Variants in COL21A1 observed in about 807,000 individuals in gnomAD.
COL21A1 encodes the protein collagen alpha-1(XXI) chain.
Under a neutral mutation model 137.9 loss-of-function variants are expected in COL21A1, and 149 were observed. That is an observed-to-expected ratio of 1.08 (90% confidence interval 0.95 to 1.24). The LOEUF is 1.24. Ranked by LOEUF, COL21A1 falls within the 50% of genes most tolerant of loss-of-function variation. COL21A1 has a pLI of 0.00. For synonymous variants in COL21A1, 456 were observed against 391.5 expected (o/e 1.16, Z -1.95); for missense variants, 1,167 against 1,158.4 (o/e 1.01, Z -0.11).
At chr6:56,106,338 T>C (rs1472969021) in intron 16 of COL21A1, among the ~76,000 whole-genome samples, 2 of 152,214 alleles carry the variant, frequency 1.3e-5, no homozygotes, top group South Asian at 2.1e-4. Flanking sequence ...CTTACAACTC[T>C]GTTCTATATC....
chr6:56,380,281 T>C (rs1327656445), intron 1 of COL21A1, among the ~76,000 whole-genome samples: 1 of 152,226 alleles, frequency 6.6e-6, no homozygotes, highest in Non-Finnish European at 1.5e-5. Flanking sequence ...GCTGGCACCA[T>C]GCTTCTTATA....
chr6:56,101,580 C>T, intron 16 of COL21A1, 55 bp from the exon 17 acceptor site: 2 of 1,222,070 alleles, frequency 1.6e-6, no homozygotes, highest in Non-Finnish European at 2.4e-6. Context: ...GTCTGCTTAC[C>T]AAAATAACAA....
At chr6:56,122,798 G>T (rs1374463945) in intron 16 of COL21A1, among the ~76,000 whole-genome samples, 3 of 152,004 alleles carry the variant, frequency 2.0e-5, no homozygotes, top group Non-Finnish European at 2.9e-5. Flanking sequence ...TTTTTGCCAG[G>T]AACTGTGCTG....
intron 1 of COL21A1, among the ~76,000 whole-genome samples, chr6:56,317,413 T>C (rs910153130): frequency 5.3e-5 from 8 of 152,198 alleles, no homozygotes; most frequent in Non-Finnish European, 1.0e-4. Flanking sequence ...GCCTCTTATA[T>C]TGCAGTCATC....
chr6:56,202,341 A>G (rs945894888), intron 1 of COL21A1, among the ~76,000 whole-genome samples: 4 of 152,114 alleles, frequency 2.6e-5, no homozygotes, highest in Non-Finnish European at 4.4e-5. Context: ...GCTTCTAGCC[A>G]TTTTTGAAGC....
At chr6:56,142,160 T>C (rs1351203847) in intron 10 of COL21A1, among the ~76,000 whole-genome samples, 177 bp from the exon 11 acceptor site, 3 of 152,110 alleles carry the variant, frequency 2.0e-5, no homozygotes, top group African/African-American at 7.2e-5. Context: ...CTTTGATCTT[T>C]ATGAAATCCT....
intron 1 of COL21A1, among the ~76,000 whole-genome samples, chr6:56,230,441 T>C (rs886429862): frequency 6.6e-6 from 1 of 151,934 alleles, no homozygotes; most frequent in Non-Finnish European, 1.5e-5. Flanking sequence ...GTTTCCAAAG[T>C]TTTTCTTAAT....
intron 1 of COL21A1, among the ~76,000 whole-genome samples, chr6:56,189,146 A>C (rs1165309450): frequency 6.6e-6 from 1 of 152,130 alleles, no homozygotes; most frequent in Non-Finnish European, 1.5e-5. Flanking sequence ...TAGGCTTCAG[A>C]AGGTGGGTAA....
At chr6:56,267,528 G>C (rs1225730792) in intron 1 of COL21A1, among the ~76,000 whole-genome samples, 2 of 151,864 alleles carry the variant, frequency 1.3e-5, no homozygotes. Context: ...AGGCAGAGGT[G>C]GGCAGATCAT....
At chr6:56,180,621 T>A (rs1319617771) in intron 2 of COL21A1, among the ~76,000 whole-genome samples, 1 of 152,028 alleles carries the variant, frequency 6.6e-6, no homozygotes, top group African/African-American at 2.4e-5. Flanking sequence ...AAGGTCCTTT[T>A]GGGGAAAAAA....
intron 1 of COL21A1, among the ~76,000 whole-genome samples, chr6:56,312,134 G>A (rs1366818364): frequency 3.9e-5 from 6 of 152,170 alleles, no homozygotes; most frequent in Non-Finnish European, 8.8e-5. Context: ...GACCATATGC[G>A]CCTTGTTTTG....
intron 1 of COL21A1, among the ~76,000 whole-genome samples, chr6:56,216,823 C>A (rs1275810140): frequency 1.3e-5 from 2 of 152,016 alleles, no homozygotes; most frequent in Non-Finnish European, 2.9e-5. Flanking sequence ...AATGAAAAAT[C>A]TTATGAGATC....
intron 1 of COL21A1, among the ~76,000 whole-genome samples, chr6:56,365,416 T>C (rs770251191): frequency 2.3e-4 from 35 of 152,212 alleles, no homozygotes; most frequent in African/African-American, 7.0e-4. Context: ...CACTAACTTA[T>C]ATGCTGCAAA....
Position 56,316,477 on chromosome 6 carries a change from C to CTTTTTTTTTTTTTTTTTTTTTTTTTTT in COL21A1, c.-39+77493_-39+77494insAAAAAAAAAAAAAAAAAAAAAAAAAAA, listed in dbSNP as rs60388494. Among the ~76,000 whole-genome samples, 3 of 75,786 alleles carry CTTTTTTTTTTTTTTTTTTTTTTTTTTT rather than the reference C, an allele frequency of 4.0e-5. 1 individual carries two copies. The highest frequency in any genetic ancestry group is 1.5e-4 in the African/African-American group (3 of 19,864). The allele number at this position is 75,786 out of a possible 152,430, so 49.7% of individuals were successfully genotyped here. A position where few individuals can be genotyped will look rare whatever the true frequency, so the allele number is the denominator to read the frequency against. On this transcript the variant is annotated intron_variant, in intron 1 of 28. Coordinates refer to the COL21A1 transcript ENST00000370819. Reference sequence around the variant, plus strand: ...CACACCTTTTAAAATTCTAAATAGACTTTTTTTTTTTTTTTTTTTTTTGAG... The same window carrying CTTTTTTTTTTTTTTTTTTTTTTTTTTT: ...CACACCTTTTAAAATTCTAAATAGACTTTTTTTTTTTTTTTTTTTTTTTTTTTTTTTTTTTTTTTTTTTTTTTTTGAG...
At chr6:56,251,262 A>G (rs1782846326), upstream of COL21A1, among the ~76,000 whole-genome samples, 1 of 152,202 alleles carries the variant, frequency 6.6e-6, no homozygotes, top group Admixed American at 6.5e-5. Context: ...AATGACTACT[A>G]TATTATGGCA....
In COL21A1 at chr6:56,060,812, G is replaced by A. The variant is rs904436439; in HGVS notation, c.2353-17C>T. ...CTCTCTTCCCTGCATCAAAGTGTTA[G>A]GGGTTATAACATGCACATAAAGAAC... On this transcript the variant is annotated splice_polypyrimidine_tract_variant and intron_variant, in intron 26 of 29. Transcript: ENST00000244728. 3.7e-6 allele frequency: 6 copies of A among 1,600,444 alleles called. No homozygotes were observed. The Admixed American group carries it at 5.4e-5, about 14-fold the overall frequency.
At chr6:56,201,779 A>G (rs903908537) in intron 1 of COL21A1, among the ~76,000 whole-genome samples, 10 of 152,190 alleles carry the variant, frequency 6.6e-5, no homozygotes, top group Non-Finnish European at 1.5e-4. Flanking sequence ...ATAATTATAG[A>G]CAAAAATACA....
At chr6:56,114,694 G>T (rs1205114122) in intron 16 of COL21A1, among the ~76,000 whole-genome samples, 5 of 149,988 alleles carry the variant, frequency 3.3e-5, no homozygotes, top group African/African-American at 1.2e-4. Flanking sequence ...AGAGGATGTG[G>T]AGAAATAGGA....
At chr6:56,303,943 G>C (rs377688062) in intron 1 of COL21A1, among the ~76,000 whole-genome samples, 7 of 152,112 alleles carry the variant, frequency 4.6e-5, no homozygotes, top group East Asian at 1.9e-4. Flanking sequence ...TAGCATGAAG[G>C]GTTGTTGAGT....
Sources: gnomAD v4.1 joint callset for allele counts (sites outside exome capture counted in the v4.1 genomes callset) on GRCh38, gnomAD v4.1.1 for gene constraint, MANE v1.5 for transcripts, NCBI Gene and HGNC (gene_info 2026-07-23, HGNC 2026-07-21) for gene names.